Variants in ZNF407 observed in about 807,000 individuals in gnomAD.
ZNF407 encodes the protein zinc finger protein 407.
A neutral mutation model predicts 131.2 loss-of-function variants in ZNF407; 17 were observed. That is an observed-to-expected ratio of 0.13 (90% CI 0.09 to 0.19). The LOEUF is 0.19. ZNF407 is among the 10% of genes least tolerant of loss of function. ZNF407 has a pLI of 1.00. For synonymous variants in ZNF407, 1,156 were observed against 1,062.0 expected (o/e 1.09, Z -1.72); for missense variants, 2,681 against 2,830.6 (o/e 0.95, Z 1.20).
At chr18:74,665,745 G>A (rs1272633674) in intron 3 of ZNF407, among the ~76,000 whole-genome samples, 1 of 152,162 alleles carries the variant, frequency 6.6e-6, no homozygotes, top group East Asian at 1.9e-4. Flanking sequence ...TTCAGGAAGT[G>A]CGCCGTTCTA....
At chr18:74,925,596 T>C (rs1971903304) in intron 8 of ZNF407, among the ~76,000 whole-genome samples, 1 of 152,248 alleles carries the variant, frequency 6.6e-6, no homozygotes, top group African/African-American at 2.4e-5. Flanking sequence ...CCCAAATTCC[T>C]CTTGGCCCTC....
intron 1 of ZNF407, among the ~76,000 whole-genome samples, chr18:74,617,190 A>AC (rs1983354851): frequency 1.4e-5 from 1 of 72,614 alleles, no homozygotes; most frequent in Non-Finnish European, 3.1e-5. Context: ...ACACACATCG[A>AC]CACACTTTAC....
intron 3 of ZNF407, among the ~76,000 whole-genome samples, chr18:74,732,757 A>T (rs1968323217): frequency 6.6e-6 from 1 of 152,152 alleles, no homozygotes; most frequent in African/African-American, 2.4e-5. Context: ...GAAATAACTA[A>T]GTCTGTCAGA....
intron 3 of ZNF407, among the ~76,000 whole-genome samples, chr18:74,744,699 G>A (rs1284741272): frequency 6.6e-6 from 1 of 151,718 alleles, no homozygotes; most frequent in African/African-American, 2.4e-5. Flanking sequence ...ACAAAAAATT[G>A]GAAACAACTC....
intron 3 of ZNF407, among the ~76,000 whole-genome samples, chr18:74,695,870 A>T (rs1206635924): frequency 6.6e-6 from 1 of 152,006 alleles, no homozygotes; most frequent in East Asian, 1.9e-4. Context: ...CAAGCATTTA[A>T]AAGAAGAGAT....
At chr18:74,681,275 A>C (rs935844329) in intron 3 of ZNF407, among the ~76,000 whole-genome samples, 10 of 151,804 alleles carry the variant, frequency 6.6e-5, no homozygotes, top group African/African-American at 2.2e-4. Flanking sequence ...TCCCTCTGTC[A>C]CCCAGGCTGA....
At chr18:74,637,995 G>T (rs1010651368) in intron 2 of ZNF407, among the ~76,000 whole-genome samples, 2 of 152,148 alleles carry the variant, frequency 1.3e-5, no homozygotes, top group African/African-American at 4.8e-5. Context: ...ACATTAGCAG[G>T]ACTAAAAAAC....
intron 1 of ZNF407, among the ~76,000 whole-genome samples, chr18:74,621,067 TATAA>T (rs1212811301): frequency 2.0e-5 from 2 of 102,108 alleles, no homozygotes; most frequent in Non-Finnish European, 4.5e-5. Context: ...TCCATTTCCA[TATAA>T]ATCTAAATTT....
chr18:75,027,204 G>A (rs578232769), intron 8 of ZNF407, among the ~76,000 whole-genome samples: 1 of 152,336 alleles, frequency 6.6e-6, no homozygotes, highest in South Asian at 2.1e-4. Flanking sequence ...CCTTTGCAGA[G>A]TGAGCTGTGC....
At chr18:74,970,309 A>G (rs1318998106) in intron 8 of ZNF407, among the ~76,000 whole-genome samples, 1 of 152,050 alleles carries the variant, frequency 6.6e-6, no homozygotes, top group Non-Finnish European at 1.5e-5. Flanking sequence ...AAAACCAATC[A>G]TGCCTTCCCA....
intron 7 of ZNF407, among the ~76,000 whole-genome samples, chr18:74,893,784 C>T (rs1050714750): frequency 1.4e-4 from 21 of 152,156 alleles, no homozygotes; most frequent in Non-Finnish European, 2.2e-4. Context: ...ATTTATCTCA[C>T]TGGTTTATTT....
intron 8 of ZNF407, among the ~76,000 whole-genome samples, chr18:75,046,165 A>G (rs936187115): frequency 2.0e-5 from 3 of 152,218 alleles, no homozygotes; most frequent in African/African-American, 7.2e-5. Context: ...GTCAGCTGCT[A>G]TATATTGTGG....
At chr18:75,000,419 G>A (rs947203911) in intron 8 of ZNF407, among the ~76,000 whole-genome samples, 11 of 152,206 alleles carry the variant, frequency 7.2e-5, no homozygotes, top group Admixed American at 2.0e-4. Context: ...AGCTGTCACA[G>A]TTGATTCTGT....
At position 74,852,326 on chromosome 18, in the gene ZNF407, A is replaced by G. The variant is rs1005878632; in HGVS notation, c.4878-24871A>G. 3.3e-5 allele frequency among the ~76,000 whole-genome samples: 5 copies of G among 152,186 alleles called. No individual in the cohort carries two copies. The East Asian group carries it at 7.7e-4, about 23-fold the overall frequency. On this transcript the variant is annotated intron_variant, in intron 4 of 8. Transcript: ENST00000299687. ...AATTAAACAGGTATAGGAAATATGC[A>G]TAACTTTTGAGGGGAGGGAATAGTA... is the stretch of plus-strand genomic sequence containing the variant.
intron 8 of ZNF407, among the ~76,000 whole-genome samples, chr18:74,935,606 G>A (rs962081225): frequency 6.6e-6 from 1 of 152,156 alleles, no homozygotes; most frequent in Non-Finnish European, 1.5e-5. Context: ...CAATGTGGCC[G>A]CAGCTCATGT....
At position 75,064,576 on chromosome 18, in the gene ZNF407, A is replaced by G; in HGVS notation, c.*108A>G. ...TGAAACCTTCAAAACCATGAGGACAAGGCTCCCGTGAGCTCTGAGCATGCC... is the reference window on the plus strand; with the variant it reads ...TGAAACCTTCAAAACCATGAGGACAGGGCTCCCGTGAGCTCTGAGCATGCC... On this transcript the variant is annotated 3_prime_UTR_variant, in exon 9 of 9. Coordinates refer to ENST00000299687, the MANE Select transcript of ZNF407 (RefSeq NM_017757.3). 1 of 1,075,280 alleles carries G rather than the reference A, an allele frequency of 9.3e-7. No homozygotes were observed. Among genetic ancestry groups the G allele is most frequent in the East Asian group, 2.6e-5 (1 of 38,072 alleles). 66.6% of individuals were successfully genotyped at this position (1,075,280 alleles called of 1,614,324 possible).
At position 74,772,013 on chromosome 18, in the gene ZNF407, A is replaced by G. The variant is rs573161243; in HGVS notation, c.4803-9415A>G. On this transcript the variant is annotated intron_variant, in intron 3 of 8. Coordinates refer to ENST00000299687, the MANE Select transcript of ZNF407 (RefSeq NM_017757.3). ...CATTTTTCTTACTTTCTATGAGGCT[A>G]TAATCTTTCATTAGGCAAGAAGTAT... Among the ~76,000 whole-genome samples the G allele has an allele frequency of 1.8e-4, 27 of 152,322 alleles. 2 individuals carry two copies. In the South Asian group the frequency reaches 5.2e-3, roughly 29 times the overall value.
intron 8 of ZNF407, among the ~76,000 whole-genome samples, chr18:74,950,450 G>GCATA (rs1452057057): frequency 2.0e-5 from 3 of 152,104 alleles, no homozygotes; most frequent in Non-Finnish European, 4.4e-5. Flanking sequence ...TTGAACAGTA[G>GCATA]CATAGACCTT....
chr18:74,622,638 G>A (rs80162169), intron 1 of ZNF407, among the ~76,000 whole-genome samples: 4,358 of 152,350 alleles, frequency 0.029, 104 homozygotes, highest in Non-Finnish European at 0.041. Context: ...CACACTGCCT[G>A]CATGACGAAT....
Sources: allele counts gnomAD v4.1 joint callset (sites outside exome capture counted in the v4.1 genomes callset), GRCh38; gene constraint gnomAD v4.1.1; transcripts MANE v1.5; gene names NCBI Gene and HGNC (gene_info 2026-07-23, HGNC 2026-07-21).